Variants in MXD1 observed in about 807,000 individuals in gnomAD.
The protein encoded by MXD1 is MAX dimerization protein 1, also known as MAX-binding protein.
MXD1 carries 9 observed loss-of-function variants against 25.7 expected under a neutral mutation model. The observed-to-expected ratio is 0.35, with a 90% confidence interval of 0.21 to 0.61. MXD1 has a LOEUF of 0.61. MXD1 is among the 20% of genes least tolerant of loss of function. MXD1 has a pLI of 0.75. For missense variants in MXD1, 227 were observed against 292.4 expected (o/e 0.78, Z 1.63); for synonymous variants, 99 against 113.9 (o/e 0.87, Z 0.83).
intron 3 of MXD1, among the ~76,000 whole-genome samples, chr2:69,930,816 AC>A (rs1677265110): frequency 6.6e-6 from 1 of 152,162 alleles, no homozygotes; most frequent in South Asian, 2.1e-4. Context: ...AATAACTGCT[AC>A]CATATACAGA....
rs960563215 is a variant in MXD1, at chr2:69,915,529, C to T, written c.73+126C>T. Reference sequence around the variant, plus strand: ...CGGGGAGACCGCGAGCGCTCCCAACCCCTCTGGCTCTCCCCACGCGCGGTC... The same window carrying T: ...CGGGGAGACCGCGAGCGCTCCCAACTCCTCTGGCTCTCCCCACGCGCGGTC... On this transcript the variant is annotated intron_variant, in intron 1 of 5. Coordinates refer to ENST00000264444, the MANE Select transcript of MXD1 (RefSeq NM_002357.4). This position sits in a 1 kb window ranked among gnomAD's most constrained non-coding sequence, Gnocchi z 5.8. The T allele has an allele frequency of 6.7e-5, 45 of 675,558 alleles. No individual in the cohort carries two copies. The African/African-American group carries it at 7.5e-4, about 11-fold the overall frequency. The allele number at this position is 675,558 out of a possible 1,614,324, so 41.8% of individuals were successfully genotyped here.
At chr2:69,920,036 G>C (rs1677035914) in intron 2 of MXD1, among the ~76,000 whole-genome samples, 1 of 151,682 alleles carries the variant, frequency 6.6e-6, no homozygotes, top group East Asian at 1.9e-4. Context: ...TTTTGAGATG[G>C]AGTCTCCCTC....
chr2:69,932,597 C>T (rs1012181980), intron 3 of MXD1, among the ~76,000 whole-genome samples: 1 of 152,202 alleles, frequency 6.6e-6, no homozygotes, highest in African/African-American at 2.4e-5. Context: ...AAGTATTAGT[C>T]TCAGCTGGAA....
chr2:69,925,857 C>A (rs781089702), intron 3 of MXD1, among the ~76,000 whole-genome samples: 2 of 152,128 alleles, frequency 1.3e-5, no homozygotes, highest in South Asian at 4.1e-4. Context: ...GGATTGTCCA[C>A]CAGGCAGGTT....
chr2:69,942,324 G>A lies in MXD1; in HGVS notation c.*4040G>A, dbSNP rs1323010795. On this transcript the variant is annotated 3_prime_UTR_variant, in exon 6 of 6. Transcript: ENST00000264444. ...GATGCTTTGCTTTCAAAGATAACTG[G>A]GTTAGAGGGTGGGGTGTGCAATAGG... 1 of 152,006 alleles carries A rather than the reference G, an allele frequency of 6.6e-6. No homozygotes were observed. The highest frequency in any genetic ancestry group is 2.4e-5 in the African/African-American group (1 of 41,356). 9.4% of individuals were successfully genotyped at this position (152,006 alleles called of 1,614,324 possible). A position where few individuals can be genotyped will look rare whatever the true frequency, so the allele number is the denominator to read the frequency against.
intron 4 of MXD1, 57 bp from the exon 5 acceptor site, chr2:69,937,178 C>T (rs1233964179): frequency 6.2e-7 from 1 of 1,600,482 alleles, no homozygotes; most frequent in African/African-American, 1.3e-5. Context: ...ATGCGGGGGC[C>T]ATTGCCCATT....
chr2:69,917,837 A>AT (rs1199709145), intron 2 of MXD1, among the ~76,000 whole-genome samples: 3 of 122,986 alleles, frequency 2.4e-5, no homozygotes, highest in African/African-American at 8.1e-5. Context: ...CAAAAAAAAA[A>AT]AAATAAAGGC....
rs1677640060 is a variant in MXD1 at position 69,942,747 on chromosome 2, C to T, written c.*4463C>T. 6.6e-6 allele frequency: 1 copy of T among 152,202 alleles called. No homozygotes were observed. Among genetic ancestry groups the T allele is most frequent in the Admixed American group, 6.5e-5 (1 of 15,280 alleles). 9.4% of individuals were successfully genotyped at this position (152,202 alleles called of 1,614,324 possible). The stretch of plus-strand genomic sequence containing the variant: ...GCAGCAGATGAAAGGGTATGCTATT[C>T]TGTTTCCAGATGTTTCTTTATGTAA... On this transcript the variant is annotated 3_prime_UTR_variant, in exon 6 of 6. Transcript: ENST00000264444.
chr2:69,935,936 A>T (rs1677424054), intron 4 of MXD1, among the ~76,000 whole-genome samples: 1 of 152,054 alleles, frequency 6.6e-6, no homozygotes, highest in Non-Finnish European at 1.5e-5. Context: ...GTGGCTCAGG[A>T]CAAGCTCTGT....
rs532524725 is a variant in MXD1 at position 69,932,028 on chromosome 2, A to G, written c.204-3323A>G. 2.6e-5 allele frequency among the ~76,000 whole-genome samples: 4 copies of G among 152,166 alleles called. No homozygotes were observed. In the South Asian group the frequency reaches 6.2e-4, roughly 24 times the overall value. Reference sequence around the variant, plus strand: ...TGTCGGGTGGCTTCCTGTTGAGGATATATGGCAAAACCCCTGCTAGTTCCC... The same window carrying G: ...TGTCGGGTGGCTTCCTGTTGAGGATGTATGGCAAAACCCCTGCTAGTTCCC... On this transcript the variant is annotated intron_variant, in intron 3 of 5. Coordinates refer to ENST00000264444, the MANE Select transcript of MXD1 (RefSeq NM_002357.4).
rs992969596 is a variant in MXD1 at position 69,915,764 on chromosome 2, G to T, written c.74-357G>T. On this transcript the variant is annotated intron_variant, in intron 1 of 5. Transcript: ENST00000264444. The surrounding 1 kb of genome is among the most constrained non-coding windows in gnomAD (Gnocchi z 5.8). ...CCCCAGTCTCCTGGGCAGAGGAGCA[G>T]CGCCTCCCGGTCCCCGGCTCACGGT... Among the ~76,000 whole-genome samples the T allele has an allele frequency of 6.6e-6, 1 of 152,232 alleles. No homozygotes were observed. The highest frequency in any genetic ancestry group is 1.5e-5 in the Non-Finnish European group (1 of 68,032).
Position 69,917,113 on chromosome 2 carries a change from C to T in MXD1, c.173+893C>T, listed in dbSNP as rs72904959. On this transcript the variant is annotated intron_variant, in intron 2 of 5. Transcript: ENST00000264444. ...GTTTAGAATCCTTATCCCTCCCTCA[C>T]CCTCATGAATAACTCCTTGCAAGTA... is the stretch of plus-strand genomic sequence containing the variant. Among the ~76,000 whole-genome samples, 798 of 152,340 alleles carry T rather than the reference C, an allele frequency of 5.2e-3. 8 individuals are homozygous for T. Among genetic ancestry groups the T allele is most frequent in the African/African-American group, 0.018 (769 of 41,574 alleles).
At chr2:69,937,174 G>T in intron 4 of MXD1, 61 bp from the exon 5 acceptor site, 2 of 1,598,908 alleles carry the variant, frequency 1.3e-6, no homozygotes, top group Middle Eastern at 1.7e-4. Context: ...GAAGATGCGG[G>T]GGCCATTGCC....
In MXD1 at chr2:69,940,068, G is replaced by C. The variant is rs537951583; in HGVS notation, c.*1784G>C. 2.4e-5 allele frequency: 3 copies of C among 127,028 alleles called. No individual in the cohort carries two copies. Among genetic ancestry groups the C allele is most frequent in the Non-Finnish European group, 4.7e-5 (3 of 63,468 alleles). 7.9% of individuals were successfully genotyped at this position (127,028 alleles called of 1,614,324 possible). On this transcript the variant is annotated 3_prime_UTR_variant, in exon 6 of 6. Transcript: ENST00000264444. ...TTCCTAAATGATTCCAAAGTCACCT[G>C]TAATTCTTCTGTTTTTGTTTTGTTC...
At chr2:69,928,982 C>T (rs993023637) in intron 3 of MXD1, among the ~76,000 whole-genome samples, 11 of 152,166 alleles carry the variant, frequency 7.2e-5, no homozygotes, top group African/African-American at 2.2e-4. Flanking sequence ...CAACCTCTGC[C>T]TCCCAGGTTC....
intron 3 of MXD1, among the ~76,000 whole-genome samples, chr2:69,923,378 A>G (rs979138694): frequency 2.6e-5 from 4 of 152,202 alleles, no homozygotes; most frequent in African/African-American, 9.7e-5. Flanking sequence ...AGTGCCCTGC[A>G]TGAACAAGAA....
chr2:69,936,365 C>G (rs1677439178), intron 4 of MXD1, among the ~76,000 whole-genome samples: 1 of 152,080 alleles, frequency 6.6e-6, no homozygotes, highest in Admixed American at 6.5e-5. Context: ...GTGCTCACCT[C>G]ACAGCCCCAG....
rs1329477054 is a variant in MXD1 at position 69,941,449 on chromosome 2, G to A, written c.*3165G>A. 6.6e-6 allele frequency: 1 copy of A among 152,196 alleles called. No individual in the cohort carries two copies. Among genetic ancestry groups the A allele is most frequent in the Non-Finnish European group, 1.5e-5 (1 of 68,010 alleles). The allele number at this position is 152,196 out of a possible 1,614,324, so 9.4% of individuals were successfully genotyped here. On this transcript the variant is annotated 3_prime_UTR_variant, in exon 6 of 6. Coordinates refer to ENST00000264444, the MANE Select transcript of MXD1 (RefSeq NM_002357.4). ...TAATGCTAGTTTAGTGATTCAAAATGCATCACATTTTTAGGCAGGACCTAG... is the reference window on the plus strand; with the variant it reads ...TAATGCTAGTTTAGTGATTCAAAATACATCACATTTTTAGGCAGGACCTAG...
chr2:69,922,308 T>C (rs1218651893), intron 3 of MXD1, among the ~76,000 whole-genome samples: 2 of 152,320 alleles, frequency 1.3e-5, no homozygotes, highest in African/African-American at 4.8e-5. Flanking sequence ...GGGCTCCATC[T>C]TGCCGCAGCC....
Sources: allele counts gnomAD v4.1 joint callset (sites outside exome capture counted in the v4.1 genomes callset), GRCh38; gene constraint gnomAD v4.1.1; non-coding constraint Gnocchi (gnomAD v3.1); transcripts MANE v1.5; gene names NCBI Gene and HGNC (gene_info 2026-07-23, HGNC 2026-07-21).